DPY19L4: variants seen among roughly 807,000 people sequenced by gnomAD.
DPY19L4 encodes the protein dpy-19 like 4, also known as probable C-mannosyltransferase DPY19L4.
Under a neutral mutation model 102.8 loss-of-function variants are expected in DPY19L4, and 97 were observed. The ratio of observed to expected loss-of-function variants is 0.94; its 90% CI spans 0.80 to 1.12. The LOEUF (loss-of-function observed/expected upper bound fraction) is 1.12, where lower values mean the gene tolerates loss of function less well. Ranked by LOEUF, DPY19L4 falls within the 50% of genes most tolerant of loss-of-function variation. The pLI, the probability that DPY19L4 is intolerant of heterozygous loss-of-function variation, is 0.00. For synonymous variants in DPY19L4, 252 were observed against 283.1 expected (o/e 0.89, Z 1.10); for missense variants, 815 against 850.4 (o/e 0.96, Z 0.52).
intron 16 of DPY19L4, among the ~76,000 whole-genome samples, chr8:94,782,406 G>A (rs1813470799): frequency 6.6e-6 from 1 of 151,970 alleles, no homozygotes; most frequent in Admixed American, 6.6e-5. Context: ...CTGCTTACAC[G>A]GTGCTTACTA....
At chr8:94,745,976 A>G (rs1225957983) in intron 6 of DPY19L4, among the ~76,000 whole-genome samples, 1 of 151,326 alleles carries the variant, frequency 6.6e-6, no homozygotes, top group East Asian at 1.9e-4. Context: ...CTGGTCTCAA[A>G]CTACCGACCT....
At chr8:94,759,508 T>C (rs1812311679) in intron 7 of DPY19L4, among the ~76,000 whole-genome samples, 1 of 140,502 alleles carries the variant, frequency 7.1e-6, no homozygotes, top group Admixed American at 7.2e-5. Flanking sequence ...TTCTTTTTTT[T>C]TTTTTTTTTT....
intron 7 of DPY19L4, among the ~76,000 whole-genome samples, chr8:94,759,764 A>G (rs1425402053): frequency 6.6e-6 from 1 of 151,722 alleles, no homozygotes; most frequent in Non-Finnish European, 1.5e-5. Context: ...CAGCCTCCCA[A>G]AGTACTGGGA....
intron 6 of DPY19L4, among the ~76,000 whole-genome samples, chr8:94,746,858 G>T (rs961736128): frequency 1.3e-5 from 2 of 152,080 alleles, no homozygotes; most frequent in African/African-American, 4.8e-5. Context: ...GTAGCAACAG[G>T]TTCATTCGTT....
chr8:94,750,891 T>C (rs1811890985), intron 6 of DPY19L4, among the ~76,000 whole-genome samples: 1 of 150,852 alleles, frequency 6.6e-6, no homozygotes, highest in African/African-American at 2.4e-5. Flanking sequence ...CAAGCAATTC[T>C]CCTGCCTCAG....
chr8:94,742,720 AGCT>A (rs1811501578), intron 6 of DPY19L4, among the ~76,000 whole-genome samples: 1 of 151,620 alleles, frequency 6.6e-6, no homozygotes, highest in African/African-American at 2.4e-5. Flanking sequence ...CACAATGCCC[AGCT>A]AATTTTTTTG....
Position 94,771,862 on chromosome 8 carries a change from C to T in DPY19L4, c.1454+1291C>T, listed in dbSNP as rs548525806. ...TATTTCTTTTATTGTCTTTCAATGG[C>T]AAATGACATTTACAAAATATATATA... On this transcript the variant is annotated intron_variant, in intron 13 of 18. Coordinates refer to ENST00000414645, the MANE Select transcript of DPY19L4 (RefSeq NM_181787.3). 1.2e-4 allele frequency among the ~76,000 whole-genome samples: 18 copies of T among 152,204 alleles called. No homozygotes were observed. The South Asian group carries it at 3.7e-3, about 32-fold the overall frequency.
intron 16 of DPY19L4, among the ~76,000 whole-genome samples, chr8:94,781,614 A>G (rs1167320442): frequency 6.6e-6 from 1 of 152,190 alleles, no homozygotes; most frequent in Non-Finnish European, 1.5e-5. Flanking sequence ...CAACACACAC[A>G]TGTGTAACTC....
Position 94,719,914 on chromosome 8 carries a change from G to C in DPY19L4, c.-85G>C. 1 of 1,416,192 alleles carries C rather than the reference G, an allele frequency of 7.1e-7. No homozygotes were observed. The highest frequency in any genetic ancestry group is 1.5e-5 in the African/African-American group (1 of 67,122). 87.7% of individuals were successfully genotyped at this position (1,416,192 alleles called of 1,614,324 possible). A position where few individuals can be genotyped will look rare whatever the true frequency, so the allele number is the denominator to read the frequency against. The stretch of plus-strand genomic sequence containing the variant: ...GCGCGGCGGCCAGGAGCGGGCCCCC[G>C]GAGGCCGAGGGGTTCGGCGACGCGG... On this transcript the variant is annotated 5_prime_UTR_variant, in exon 1 of 19. Coordinates refer to ENST00000414645, the MANE Select transcript of DPY19L4 (RefSeq NM_181787.3).
At chr8:94,777,577 G>C in intron 13 of DPY19L4, 89 bp from the exon 14 acceptor site, 4 of 1,465,448 alleles carry the variant, frequency 2.7e-6, no homozygotes, top group Non-Finnish European at 3.7e-6. Flanking sequence ...GTATTTTCGT[G>C]AGTAGTAGGA....
intron 6 of DPY19L4, 131 bp downstream of exon 6, chr8:94,739,921 T>TC: frequency 8.8e-7 from 1 of 1,138,758 alleles, no homozygotes; most frequent in Non-Finnish European, 1.3e-6. Flanking sequence ...GAGATGCCAT[T>TC]CCCATGATTA....
chr8:94,762,908 C>T (rs751774114), intron 8 of DPY19L4, among the ~76,000 whole-genome samples: 3 of 152,028 alleles, frequency 2.0e-5, no homozygotes, highest in Middle Eastern at 3.2e-3. Flanking sequence ...TTACTTCAAC[C>T]CCCAACAGGG....
chr8:94,740,149 T>C (rs1028930209), intron 6 of DPY19L4, among the ~76,000 whole-genome samples: 3 of 152,180 alleles, frequency 2.0e-5, no homozygotes, highest in African/African-American at 7.2e-5. Flanking sequence ...ATGAAAACTG[T>C]AGCTCTGGCC....
At chr8:94,730,709 C>T (rs1189898032) in intron 2 of DPY19L4, among the ~76,000 whole-genome samples, 8 of 148,154 alleles carry the variant, frequency 5.4e-5, no homozygotes, top group Non-Finnish European at 1.0e-4. Flanking sequence ...CACGCCATTG[C>T]ACTCCAGCCT....
intron 13 of DPY19L4, among the ~76,000 whole-genome samples, chr8:94,776,974 A>C (rs1268111464): frequency 6.6e-6 from 1 of 151,918 alleles, no homozygotes; most frequent in Non-Finnish European, 1.5e-5. Context: ...AAAAAAAAAA[A>C]AAAAACCCTT....
At chr8:94,762,114 G>T (rs1437204051) in intron 8 of DPY19L4, among the ~76,000 whole-genome samples, 2 of 152,208 alleles carry the variant, frequency 1.3e-5, no homozygotes, top group Non-Finnish European at 2.9e-5. Context: ...TTATTAAAAT[G>T]TAGAAATGTA....
rs1813415844 is a variant in DPY19L4, at chr8:94,781,153, A to G, written c.1702A>G (p.Met568Val). Reference protein sequence around the residue: ...EFYDPDTVELMTWIKRQAPVA... With the variant: ...EFYDPDTVELVTWIKRQAPVA... ...CTATGACCCAGATACAGTGGAACTT[A>G]TGACCTGGATAAAGTAAGGATTGAA... The change falls in exon 16 of 19, where the codon ATG (methionine) becomes GTG (valine). Residue 568 changes from methionine to valine, a missense_variant. Coordinates refer to ENST00000414645, the MANE Select transcript of DPY19L4 (RefSeq NM_181787.3). The G allele has an allele frequency of 6.3e-7, 1 of 1,594,020 alleles. No individual in the cohort carries two copies. Among genetic ancestry groups the G allele is most frequent in the Admixed American group, 1.8e-5 (1 of 56,180 alleles).
At chr8:94,733,214 C>T (rs1045796108) in intron 2 of DPY19L4, among the ~76,000 whole-genome samples, 1 of 144,190 alleles carries the variant, frequency 6.9e-6, no homozygotes, top group African/African-American at 2.6e-5. Context: ...CAAGCTCTGC[C>T]TCTGGGTTCA....
At position 94,719,969 on chromosome 8, in the gene DPY19L4, C is replaced by T. The variant is rs1458549647; in HGVS notation, c.-30C>T. ...AGGGAGAGTCTGGGCCGCGCGGGAG[C>T]CGCAGGGCGCCCTAGCCTTCGCAGA... On this transcript the variant is annotated 5_prime_UTR_variant, in exon 1 of 19. Transcript: ENST00000414645. 2 of 1,507,998 alleles carry T rather than the reference C, an allele frequency of 1.3e-6. No homozygotes were observed. Among genetic ancestry groups the T allele is most frequent in the Non-Finnish European group, 1.8e-6 (2 of 1,128,878 alleles). The allele number at this position is 1,507,998 out of a possible 1,614,324, so 93.4% of individuals were successfully genotyped here.
Sources: allele counts gnomAD v4.1 joint callset (sites outside exome capture counted in the v4.1 genomes callset), GRCh38; gene constraint gnomAD v4.1.1; transcripts MANE v1.5; gene names NCBI Gene and HGNC (gene_info 2026-07-23, HGNC 2026-07-21).